ICA1L: variants seen among roughly 807,000 people sequenced by gnomAD.
The protein encoded by ICA1L is islet cell autoantigen 1 like.
Under a neutral mutation model 61.3 loss-of-function variants are expected in ICA1L, and 50 were observed. The observed-to-expected ratio is 0.82, with a 90% CI of 0.65 to 1.03. ICA1L has a LOEUF of 1.03. Ranked by LOEUF, ICA1L falls within the 50% of genes least tolerant of loss-of-function variation. The pLI is 0.00. For missense variants in ICA1L, 508 were observed against 556.7 expected, an observed-to-expected ratio of 0.91 and a Z score of 0.88; for synonymous variants, 161 against 191.3, an observed-to-expected ratio of 0.84 and a Z score of 1.31.
chr2:202,795,644 C>A (rs1692903096), intron 10 of ICA1L, among the ~76,000 whole-genome samples: 1 of 151,948 alleles, frequency 6.6e-6, no homozygotes. Flanking sequence ...ATGCACACAC[C>A]ATTTGAAATA....
intron 9 of ICA1L, among the ~76,000 whole-genome samples, chr2:202,809,262 C>T (rs140559008): frequency 4.6e-5 from 7 of 151,758 alleles, no homozygotes; most frequent in East Asian, 3.9e-4. Context: ...TAGTGAAGAA[C>T]GCATCAGAGT....
At position 202,774,060 on chromosome 2, in the gene ICA1L, C is replaced by T. The variant is rs1407786878; in HGVS notation, c.*5473G>A. The T allele has an allele frequency of 2.1e-6, 2 of 968,278 alleles. No homozygotes were observed. The highest frequency in any genetic ancestry group is 2.6e-5 in the East Asian group (1 of 38,236). The allele number at this position is 968,278 out of a possible 1,614,324, so 60.0% of individuals were successfully genotyped here. On this transcript the variant is annotated 3_prime_UTR_variant, in exon 13 of 13. Transcript: ENST00000358299. ...TCCACTTCTTGCTTCTTTGATGTGT[C>T]ATCCTAGCTGCCTAATATGATAATA...
intron 1 of ICA1L, among the ~76,000 whole-genome samples, chr2:202,863,317 A>T (rs1694972305): frequency 6.6e-6 from 1 of 152,108 alleles, no homozygotes; most frequent in Non-Finnish European, 1.5e-5. Flanking sequence ...AAAGGTATAA[A>T]ATCAATTATC....
chr2:202,861,883 CAAAAAAAAAAA>C (rs71030996), intron 1 of ICA1L, among the ~76,000 whole-genome samples: 11 of 40,924 alleles, frequency 2.7e-4, no homozygotes, highest in Non-Finnish European at 4.1e-4. Context: ...GATTCAGACT[CAAAAAAAAAAA>C]AAAAAAAAAA....
intron 1 of ICA1L, among the ~76,000 whole-genome samples, chr2:202,831,350 G>C (rs901539754): frequency 6.6e-6 from 1 of 152,160 alleles, no homozygotes. Context: ...AGCGTCTTGA[G>C]AGAAACTTAG....
intron 6 of ICA1L, 96 bp from the exon 7 acceptor site, chr2:202,816,105 C>A (rs1693526046): frequency 3.0e-6 from 2 of 673,318 alleles, no homozygotes; most frequent in Non-Finnish European, 4.7e-6. Context: ...TGAACAGTTG[C>A]CAAAAAATAA....
At chr2:202,865,366 G>T (rs905767001) in intron 1 of ICA1L, among the ~76,000 whole-genome samples, 128 of 151,784 alleles carry the variant, frequency 8.4e-4, no homozygotes, top group Non-Finnish European at 2.1e-4. Context: ...CTACTCAGGA[G>T]GCTGAGGCAG....
chr2:202,774,030 G>A lies in ICA1L; in HGVS notation c.*5503C>T, dbSNP rs903346326. ...TTATTTTTTTAAATTATGAACTAGC[G>A]CTGCTCCACTTCTTGCTTCTTTGAT... On this transcript the variant is annotated 3_prime_UTR_variant, in exon 13 of 13. Coordinates refer to ENST00000358299, the MANE Select transcript of ICA1L (RefSeq NM_001288622.3). 8 of 869,648 alleles carry A rather than the reference G, an allele frequency of 9.2e-6. No homozygotes were observed. Among genetic ancestry groups the A allele is most frequent in the East Asian group, 2.6e-5 (1 of 37,766 alleles). The allele number at this position is 869,648 out of a possible 1,614,324, so 53.9% of individuals were successfully genotyped here.
chr2:202,859,021 C>A (rs568312945), intron 1 of ICA1L, among the ~76,000 whole-genome samples: 1 of 152,246 alleles, frequency 6.6e-6, no homozygotes, highest in South Asian at 2.1e-4. Flanking sequence ...TTTCATCAAC[C>A]GCCCATTAAT....
At chr2:202,812,271 G>T (rs1274690186) in intron 8 of ICA1L, among the ~76,000 whole-genome samples, 1 of 152,070 alleles carries the variant, frequency 6.6e-6, no homozygotes, top group African/African-American at 2.4e-5. Context: ...TGATATAATA[G>T]ACAAAAAGTT....
At chr2:202,801,781 G>A (rs1693091761) in intron 9 of ICA1L, among the ~76,000 whole-genome samples, 2 of 152,202 alleles carry the variant, frequency 1.3e-5, no homozygotes, top group African/African-American at 4.8e-5. Flanking sequence ...CTTGGCAAAC[G>A]CAAGGAAACT....
chr2:202,790,803 A>T (rs926917397), intron 10 of ICA1L, among the ~76,000 whole-genome samples: 1 of 152,204 alleles, frequency 6.6e-6, no homozygotes, highest in South Asian at 2.1e-4. Context: ...ACCTAAGGCT[A>T]CCGTCACTCT....
chr2:202,830,523 A>T (rs1011798007), intron 1 of ICA1L, among the ~76,000 whole-genome samples: 3 of 152,260 alleles, frequency 2.0e-5, no homozygotes, highest in Non-Finnish European at 4.4e-5. Flanking sequence ...AAAAAGAATA[A>T]ATACTAATAA....
At chr2:202,808,227 G>A (rs536419200) in intron 9 of ICA1L, among the ~76,000 whole-genome samples, 1 of 152,292 alleles carries the variant, frequency 6.6e-6, no homozygotes, top group South Asian at 2.1e-4. Flanking sequence ...CCTGCCCTGG[G>A]CTAAAGGGGA....
intron 10 of ICA1L, among the ~76,000 whole-genome samples, chr2:202,790,994 A>G (rs2105823840): frequency 6.6e-6 from 1 of 152,308 alleles, no homozygotes; most frequent in African/African-American, 2.4e-5. Flanking sequence ...GTGTAGAGAA[A>G]TTCAACCCTA....
chr2:202,781,370 C>T (rs572535183), intron 12 of ICA1L, among the ~76,000 whole-genome samples: 47 of 151,514 alleles, frequency 3.1e-4, no homozygotes, highest in Non-Finnish European at 5.6e-4. Context: ...GTCAGGAGTT[C>T]GAGACGAGCC....
In ICA1L at chr2:202,780,075, T is replaced by C. The variant is rs189778937; in HGVS notation, c.1334-427A>G. On this transcript the variant is annotated intron_variant, in intron 12 of 12. Coordinates refer to ENST00000358299, the MANE Select transcript of ICA1L (RefSeq NM_001288622.3). ...AAGGCAAGCAATACTGTGGTCTCCA[T>C]AGAACATTTAAGATCACTTATAGAA... is the stretch of plus-strand genomic sequence containing the variant. Among the ~76,000 whole-genome samples, 724 of 152,334 alleles carry C rather than the reference T, an allele frequency of 4.8e-3. 12 individuals carry two copies. The highest frequency in any genetic ancestry group is 5.2e-3 in the South Asian group (25 of 4,826).
At chr2:202,833,020 G>A (rs1352163114) in intron 1 of ICA1L, among the ~76,000 whole-genome samples, 5 of 151,748 alleles carry the variant, frequency 3.3e-5, no homozygotes, top group African/African-American at 7.3e-5. Context: ...CAAACCCCAC[G>A]CAGGATAATA....
In ICA1L at chr2:202,819,739, C is replaced by A. The variant is rs1693645491; in HGVS notation, c.520G>T (p.Asp174Tyr). ...LWMKDVSQEL[D>Y]PDTLKQMEKF... ...TCCATTTGCTTTAAGGTGTCTGGGT[C>A]CAGCTCTTGGGATACATCTTTCATC... is the stretch of plus-strand genomic sequence containing the variant. Residue 174 changes from aspartate to tyrosine, a missense_variant, in exon 5 of 13, where the codon GAC (aspartate) becomes TAC (tyrosine). Asp to Tyr is a radical substitution (Grantham distance 160, BLOSUM62 -3). Transcript: ENST00000358299. The A allele has an allele frequency of 8.1e-6, 13 of 1,614,076 alleles. No individual in the cohort carries two copies. The East Asian group carries it at 2.9e-4, about 36-fold the overall frequency.
Sources: allele counts gnomAD v4.1 joint callset (sites outside exome capture counted in the v4.1 genomes callset), GRCh38; gene constraint gnomAD v4.1.1; transcripts MANE v1.5; gene names NCBI Gene and HGNC (gene_info 2026-07-23, HGNC 2026-07-21).